RGS7: variants seen among roughly 807,000 people sequenced by gnomAD.
RGS7 encodes regulator of G protein signaling 7.
RGS7 carries 27 observed loss-of-function variants against 81.1 expected under a neutral mutation model. The ratio of observed to expected loss-of-function variants is 0.33; its 90% CI spans 0.25 to 0.46. RGS7 has a LOEUF of 0.46. Among genes scored for constraint, RGS7 ranks in the 20% least tolerant of loss-of-function variants. RGS7 has a pLI of 1.00. For missense variants in RGS7, 396 were observed against 607.4 expected (o/e 0.65, Z 3.66); for synonymous variants, 208 against 207.7 (o/e 1.00, Z -0.01).
chr1:241,317,673 A>C (rs778719197), intron 2 of RGS7, among the ~76,000 whole-genome samples: 14 of 152,196 alleles, frequency 9.2e-5, no homozygotes, highest in Non-Finnish European at 1.9e-4. Context: ...GGTTATCTGC[A>C]CATCAAAAGT....
intron 18 of RGS7, among the ~76,000 whole-genome samples, chr1:240,786,998 C>A (rs116330283): frequency 2.6e-5 from 4 of 152,048 alleles, no homozygotes; most frequent in African/African-American, 9.7e-5. Flanking sequence ...GACCTTCTGG[C>A]ACATTCTGTC....
intron 2 of RGS7, among the ~76,000 whole-genome samples, chr1:241,335,028 C>T (rs2082167877): frequency 6.6e-6 from 1 of 152,198 alleles, no homozygotes; most frequent in Non-Finnish European, 1.5e-5. Context: ...TTCCAATCTC[C>T]ACACTAATAA....
intron 2 of RGS7, among the ~76,000 whole-genome samples, chr1:241,171,315 T>C (rs1185607519): frequency 2.0e-5 from 3 of 152,234 alleles, no homozygotes; most frequent in Non-Finnish European, 4.4e-5. Context: ...TAGTGGTCTC[T>C]AAAGTTTTTT....
In RGS7 at chr1:240,776,007, A is replaced by T; in HGVS notation, c.*213T>A. On this transcript the variant is annotated 3_prime_UTR_variant, in exon 19 of 19. Coordinates refer to ENST00000440928, the MANE Select transcript of RGS7 (RefSeq NM_001364886.1). ...TGGAATGGAGGCATTGAGACGGAAG[A>T]GTCCATTGGAGATGGAATGTACACA... 1.5e-6 allele frequency: 1 copy of T among 688,860 alleles called. No homozygotes were observed. Among genetic ancestry groups the T allele is most frequent in the Non-Finnish European group, 2.7e-6 (1 of 367,522 alleles). 42.7% of individuals were successfully genotyped at this position (688,860 alleles called of 1,614,324 possible). A position where few individuals can be genotyped will look rare whatever the true frequency, so the allele number is the denominator to read the frequency against.
At chr1:240,872,137 G>T (rs577671476) in intron 6 of RGS7, among the ~76,000 whole-genome samples, 22 of 152,058 alleles carry the variant, frequency 1.4e-4, no homozygotes, top group Non-Finnish European at 2.9e-4. Flanking sequence ...TGAAGGTGCG[G>T]GCAGACAGTG....
intron 3 of RGS7, among the ~76,000 whole-genome samples, chr1:241,037,885 A>G (rs1287042780): frequency 2.0e-5 from 3 of 152,180 alleles, no homozygotes; most frequent in Non-Finnish European, 4.4e-5. Flanking sequence ...CAAATATTGT[A>G]TGTTCTCACT....
chr1:240,857,114 G>A (rs574244744), intron 9 of RGS7, among the ~76,000 whole-genome samples: 7 of 152,202 alleles, frequency 4.6e-5, no homozygotes, highest in South Asian at 4.1e-4. Context: ...ACCACATGAC[G>A]CTGTTTTGTT....
Position 240,868,083 on chromosome 1 carries a change from A to AG in RGS7, c.609+503_609+504insC, listed in dbSNP as rs1663682722. Among the ~76,000 whole-genome samples the AG allele has an allele frequency of 6.7e-6, 1 of 150,006 alleles. No homozygotes were observed. Among genetic ancestry groups the AG allele is most frequent in the Non-Finnish European group, 1.5e-5 (1 of 67,786 alleles). On this transcript the variant is annotated intron_variant, in intron 9 of 18. Transcript: ENST00000440928. The surrounding 1 kb of genome is among the most constrained non-coding windows in gnomAD (Gnocchi z 5.1). ...AGAAAAGAAGAGAAAAGAAAGAAAG[A>AG]AAAAGAAAGAAAAGAAAAAGAAAGA...
At chr1:241,026,552 G>A (rs2059795909) in intron 3 of RGS7, among the ~76,000 whole-genome samples, 1 of 151,780 alleles carries the variant, frequency 6.6e-6, no homozygotes, top group East Asian at 1.9e-4. Flanking sequence ...TCGCGCCACT[G>A]CACTCCAGTC....
chr1:241,129,284 C>G (rs1204291996), intron 2 of RGS7, among the ~76,000 whole-genome samples: 1 of 150,412 alleles, frequency 6.6e-6, no homozygotes, highest in South Asian at 2.1e-4. Context: ...AAAAACGGAA[C>G]TCAAAACACT....
chr1:240,933,097 T>A (rs564054120), intron 5 of RGS7, among the ~76,000 whole-genome samples: 20 of 150,412 alleles, frequency 1.3e-4, no homozygotes, highest in South Asian at 1.3e-3. Context: ...TTAGCCAGGA[T>A]GGTCTCCATC....
intron 6 of RGS7, among the ~76,000 whole-genome samples, chr1:240,888,459 G>C (rs1274458046): frequency 1.3e-5 from 2 of 152,172 alleles, no homozygotes; most frequent in African/African-American, 4.8e-5. Flanking sequence ...GTATTCATTT[G>C]TTTCACCTTG....
intron 2 of RGS7, among the ~76,000 whole-genome samples, chr1:241,316,930 T>C (rs1277152200): frequency 1.3e-5 from 2 of 152,350 alleles, no homozygotes; most frequent in East Asian, 3.9e-4. Context: ...TACTATTATG[T>C]AAAGTAATAT....
rs1477253061 is a variant in RGS7, at chr1:240,983,062, G to A, written c.226+17C>T. On this transcript the variant is annotated intron_variant, in intron 4 of 18. Transcript: ENST00000440928. ...ACTAAGAAAAAAGTTCTTGCAATGGGAAAATGATTTATTTACCTGGATCTT... is the reference window on the plus strand; with the variant it reads ...ACTAAGAAAAAAGTTCTTGCAATGGAAAAATGATTTATTTACCTGGATCTT... 6.9e-7 allele frequency: 1 copy of A among 1,457,902 alleles called. No homozygotes were observed. Among genetic ancestry groups the A allele is most frequent in the Admixed American group, 1.7e-5 (1 of 59,414 alleles). The allele number at this position is 1,457,902 out of a possible 1,614,324, so 90.3% of individuals were successfully genotyped here.
At chr1:241,070,368 G>T (rs2062364254) in intron 3 of RGS7, among the ~76,000 whole-genome samples, 1 of 149,244 alleles carries the variant, frequency 6.7e-6, no homozygotes, top group Admixed American at 6.7e-5. Flanking sequence ...ATTCGATTAT[G>T]CTAAACAAAA....
At chr1:240,812,400 T>G (rs61832419) in intron 13 of RGS7, among the ~76,000 whole-genome samples, 96,611 of 150,218 alleles carry the variant, frequency 0.64, 33,034 homozygotes, top group Non-Finnish European at 0.77. Flanking sequence ...GGGGTAAAGA[T>G]CCAGATATTC....
intron 9 of RGS7, among the ~76,000 whole-genome samples, chr1:240,848,102 T>C (rs780603250): frequency 6.6e-6 from 1 of 152,202 alleles, no homozygotes; most frequent in Non-Finnish European, 1.5e-5. Context: ...AAGCCATCAC[T>C]GCCTTGTTCT....
chr1:240,966,410 A>T (rs1330560668), intron 4 of RGS7, among the ~76,000 whole-genome samples: 3 of 152,106 alleles, frequency 2.0e-5, no homozygotes, highest in African/African-American at 7.2e-5. Context: ...GATTTGTATG[A>T]ATTCTTGCTA....
At chr1:240,819,651 T>C (rs189001785) in intron 10 of RGS7, among the ~76,000 whole-genome samples, 1 of 152,244 alleles carries the variant, frequency 6.6e-6, no homozygotes, top group Non-Finnish European at 1.5e-5. Flanking sequence ...GGCAGGAGAA[T>C]CACGTGGACC....
Sources: gnomAD v4.1 joint callset for allele counts (sites outside exome capture counted in the v4.1 genomes callset) on GRCh38, gnomAD v4.1.1 for gene constraint, Gnocchi (gnomAD v3.1) non-coding constraint, MANE v1.5 for transcripts, NCBI Gene and HGNC (gene_info 2026-07-23, HGNC 2026-07-21) for gene names.